The following PTPRT variants were observed in gnomAD, a reference collection of about 807,000 sequenced individuals.
PTPRT encodes protein tyrosine phosphatase receptor type T, also known as receptor-type tyrosine-protein phosphatase T.
In PTPRT, 56 loss-of-function variants were observed where a neutral mutation model predicts 176.8. That is an observed-to-expected ratio of 0.32 (90% CI 0.26 to 0.40). PTPRT has a LOEUF of 0.40. Among genes scored for constraint, PTPRT ranks in the 10% least tolerant of loss-of-function variants. The pLI is 1.00. For missense variants in PTPRT, 1,540 were observed against 1,908.2 expected (o/e 0.81, Z 3.60); for synonymous variants, 783 against 739.0 (o/e 1.06, Z -0.96).
chr20:42,529,327 C>A (rs1403560946), intron 7 of PTPRT, among the ~76,000 whole-genome samples: 7 of 151,608 alleles, frequency 4.6e-5, no homozygotes, highest in Admixed American at 1.3e-4. Flanking sequence ...CACCGTGAGA[C>A]CACGACTGTC....
chr20:42,037,806 A>C, the PTPRT span, among the ~76,000 whole-genome samples: 2 of 152,178 alleles, frequency 1.3e-5, no homozygotes, highest in African/African-American at 4.8e-5. Flanking sequence ...CTTCCCTGCT[A>C]TCTGGAGCTG....
At chr20:43,164,047 G>A (rs2014786519) in intron 1 of PTPRT, among the ~76,000 whole-genome samples, 1 of 152,208 alleles carries the variant, frequency 6.6e-6, no homozygotes, top group Non-Finnish European at 1.5e-5. Flanking sequence ...CCCCCTGAGT[G>A]TCATGCAATG....
At chr20:42,119,191 ATGTATATGTG>A (rs1258817414) in intron 20 of PTPRT, among the ~76,000 whole-genome samples, 1 of 152,146 alleles carries the variant, frequency 6.6e-6, no homozygotes, top group South Asian at 2.1e-4. Flanking sequence ...CTATATTTAT[ATGTATATGTG>A]TGTATTTACT....
chr20:42,346,960 C>A (rs555756441), intron 11 of PTPRT, among the ~76,000 whole-genome samples: 1 of 152,106 alleles, frequency 6.6e-6, no homozygotes, highest in Non-Finnish European at 1.5e-5. Context: ...AGGTTTACTC[C>A]GTAGCACCCC....
intron 1 of PTPRT, among the ~76,000 whole-genome samples, chr20:43,060,000 A>C (rs1438762268): frequency 6.6e-6 from 1 of 152,066 alleles, no homozygotes; most frequent in East Asian, 1.9e-4. Flanking sequence ...GTCTAAAAAA[A>C]AAAAAATACA....
intron 1 of PTPRT, among the ~76,000 whole-genome samples, chr20:43,028,345 T>C (rs1162737181): frequency 6.6e-6 from 1 of 152,162 alleles, no homozygotes; most frequent in Non-Finnish European, 1.5e-5. Flanking sequence ...TTGAACTTGA[T>C]GCATAGCAAT....
intron 6 of PTPRT, among the ~76,000 whole-genome samples, chr20:42,745,597 A>C (rs1482894005): frequency 1.3e-5 from 2 of 152,200 alleles, no homozygotes; most frequent in Non-Finnish European, 2.9e-5. Flanking sequence ...TTCAGAGATA[A>C]ATTAGGCTCC....
intron 1 of PTPRT, among the ~76,000 whole-genome samples, chr20:42,938,798 G>A (rs967674805): frequency 7.2e-5 from 11 of 152,100 alleles, no homozygotes; most frequent in African/African-American, 2.7e-4. Context: ...TCTCTCAATA[G>A]TTCCTGTGTC....
At chr20:43,110,752 G>A (rs765332466) in intron 1 of PTPRT, among the ~76,000 whole-genome samples, 13 of 152,192 alleles carry the variant, frequency 8.5e-5, no homozygotes, top group African/African-American at 3.1e-4. Context: ...GTAGGCACTC[G>A]GGGTGAGAAG....
the PTPRT span, among the ~76,000 whole-genome samples, chr20:42,039,574 C>T: frequency 2.0e-5 from 3 of 151,842 alleles, no homozygotes; most frequent in Non-Finnish European, 2.9e-5. Flanking sequence ...TAAGTGAGAT[C>T]ATGCAGTATT....
intron 1 of PTPRT, among the ~76,000 whole-genome samples, chr20:43,029,067 A>C (rs1156920146): frequency 6.6e-6 from 1 of 152,228 alleles, no homozygotes; most frequent in Non-Finnish European, 1.5e-5. Context: ...CTGCCTGCCC[A>C]GAGGTACAAG....
intron 1 of PTPRT, among the ~76,000 whole-genome samples, chr20:42,923,654 CT>C (rs1164437678): frequency 1.3e-5 from 2 of 152,146 alleles, no homozygotes; most frequent in African/African-American, 4.8e-5. Flanking sequence ...GGGCAGATGA[CT>C]TAACAAGGTC....
At chr20:42,932,637 A>G (rs1979934227) in intron 1 of PTPRT, among the ~76,000 whole-genome samples, 1 of 152,134 alleles carries the variant, frequency 6.6e-6, no homozygotes, top group African/African-American at 2.4e-5. Context: ...GAACTTTCCC[A>G]GTTTCTGCAC....
chr20:43,067,415 T>C (rs553238960), intron 1 of PTPRT, among the ~76,000 whole-genome samples: 2 of 152,272 alleles, frequency 1.3e-5, no homozygotes, highest in East Asian at 1.9e-4. Flanking sequence ...TTATAGAACA[T>C]TGTGAATGCA....
intron 1 of PTPRT, among the ~76,000 whole-genome samples, chr20:43,064,160 A>G (rs1427342088): frequency 6.6e-6 from 1 of 152,172 alleles, no homozygotes; most frequent in Non-Finnish European, 1.5e-5. Context: ...TCCTAAATTT[A>G]CAACTGAATT....
intron 2 of PTPRT, among the ~76,000 whole-genome samples, chr20:42,885,032 C>T (rs1393303565): frequency 6.6e-6 from 1 of 151,760 alleles, no homozygotes; most frequent in Non-Finnish European, 1.5e-5. Context: ...CTGCCCCATG[C>T]AGGTATCCAT....
At chr20:42,925,174 C>A (rs1404152498) in intron 1 of PTPRT, among the ~76,000 whole-genome samples, 1 of 152,156 alleles carries the variant, frequency 6.6e-6, no homozygotes, top group Non-Finnish European at 1.5e-5. Flanking sequence ...CTCCTCATGA[C>A]ACAAGCTTTT....
intron 18 of PTPRT, among the ~76,000 whole-genome samples, chr20:42,135,698 C>T (rs1005645943): frequency 1.3e-5 from 2 of 152,126 alleles, no homozygotes; most frequent in Admixed American, 1.3e-4. Context: ...TAAGATGTTC[C>T]AGGCACTTAT....
chr20:42,205,074 T>TGGGGGGA (rs2055421481), intron 15 of PTPRT, among the ~76,000 whole-genome samples: 2 of 85,992 alleles, frequency 2.3e-5, no homozygotes, highest in East Asian at 4.0e-4. Flanking sequence ...TGTGGTGGGG[T>TGGGGGGA]GGGGGGAGGG....
Sources: gnomAD v4.1 joint callset for allele counts (sites outside exome capture counted in the v4.1 genomes callset) on GRCh38, gnomAD v4.1.1 for gene constraint, MANE v1.5 for transcripts, NCBI Gene and HGNC (gene_info 2026-07-23, HGNC 2026-07-21) for gene names.